The following FMN2 variants were observed in gnomAD, a reference collection of about 807,000 sequenced individuals.
The protein encoded by FMN2 is formin 2.
A neutral mutation model predicts 142.3 loss-of-function variants in FMN2; 51 were observed. The ratio of observed to expected loss-of-function variants is 0.36; its 90% CI spans 0.29 to 0.45. The LOEUF (loss-of-function observed/expected upper bound fraction) is 0.45. Ranked by LOEUF, FMN2 falls within the 20% of genes least tolerant of loss-of-function variation. FMN2 has a pLI of 1.00. For missense variants in FMN2, 1,936 were observed against 2,122.8 expected, an observed-to-expected ratio of 0.91 and a Z score of 1.73; for synonymous variants, 882 against 869.8, an observed-to-expected ratio of 1.01 and a Z score of -0.25.
chr1:240,143,544 G>A, intron 2 of FMN2: 1 of 1,597,694 alleles, frequency 6.3e-7, no homozygotes, highest in Non-Finnish European at 8.6e-7. Flanking sequence ...TGCAAACGTG[G>A]AGCAGCTGCT....
At chr1:240,300,597 T>G (rs1232073705) in intron 8 of FMN2, among the ~76,000 whole-genome samples, 1 of 152,146 alleles carries the variant, frequency 6.6e-6, no homozygotes, top group Non-Finnish European at 1.5e-5. Context: ...CATGCTCAGA[T>G]GCCCATCAAA....
intron 2 of FMN2, among the ~76,000 whole-genome samples, chr1:240,140,766 C>G (rs1177215589): frequency 1.3e-5 from 2 of 152,142 alleles, no homozygotes; most frequent in Non-Finnish European, 2.9e-5. Context: ...AAGAATTTTC[C>G]TCTTTTAATT....
intron 16 of FMN2, chr1:240,457,881 G>A (rs112171288): frequency 2.2e-4 from 34 of 152,344 alleles, no homozygotes; most frequent in African/African-American, 8.2e-4. Context: ...TTAAGAAGGA[G>A]CGTATTGAGG....
intron 2 of FMN2, chr1:240,144,176 C>T (rs781122910): frequency 6.6e-5 from 97 of 1,460,244 alleles, no homozygotes; most frequent in Non-Finnish European, 9.0e-5. Flanking sequence ...GGTCCTTGTT[C>T]TTGTAAAGCC....
At chr1:240,467,291 T>A (rs1400302271) in intron 16 of FMN2, among the ~76,000 whole-genome samples, 1 of 151,718 alleles carries the variant, frequency 6.6e-6, no homozygotes, top group South Asian at 2.1e-4. Context: ...TTTTTTTTTT[T>A]TGAGACAGAG....
At position 240,402,941 on chromosome 1, in the gene FMN2, C is replaced by T. The variant is rs1674038476; in HGVS notation, c.4910+10379C>T. Among the ~76,000 whole-genome samples the T allele has an allele frequency of 3.9e-5, 6 of 152,110 alleles. No homozygotes were observed. In the South Asian group the frequency reaches 1.2e-3, roughly 32 times the overall value. On this transcript the variant is annotated intron_variant, in intron 15 of 17. Transcript: ENST00000319653. ...ATTCTACAGGTAAAAACTATATTTT[C>T]AGGTGAAATTGACTTTTGACGTAGA...
At chr1:240,431,659 G>GT (rs143906511) in intron 15 of FMN2, among the ~76,000 whole-genome samples, 5,127 of 151,238 alleles carry the variant, frequency 0.034, 274 homozygotes, top group African/African-American at 0.12. Context: ...CCTGCAAAGA[G>GT]TTTTTCCTTT....
chr1:240,145,129 AAT>A, intron 2 of FMN2: 1 of 1,486,086 alleles, frequency 6.7e-7, no homozygotes. Flanking sequence ...TAGAAGAACG[AAT>A]CTGCCTTCGC....
At chr1:240,331,153 A>G (rs10802863) in intron 11 of FMN2, among the ~76,000 whole-genome samples, 44,988 of 152,016 alleles carry the variant, frequency 0.3, 6,745 homozygotes, top group East Asian at 0.33. Flanking sequence ...TTAAGCAATG[A>G]AGGCCAATAG....
At chr1:240,259,370 A>G (rs2102899843) in intron 7 of FMN2, among the ~76,000 whole-genome samples, 1 of 152,294 alleles carries the variant, frequency 6.6e-6, no homozygotes, top group African/African-American at 2.4e-5. Flanking sequence ...TTAACATGCA[A>G]CGCTAGCAAT....
In FMN2 at chr1:240,092,676, T is replaced by A. The variant is rs1339605304; in HGVS notation, c.567T>A (p.Ala189=). ...CGGACATCTATAGCTTCCATTCGGC[T>A]ACGGAGCAAGAGGATTTGCTTTCAG... ...SDTDIYSFHS[A]TEQEDLLSDI... Residue 189 remains alanine, a synonymous_variant, in exon 1 of 18, where the codon GCT becomes GCA. Transcript: ENST00000319653. 1 of 1,613,924 alleles carries A rather than the reference T, an allele frequency of 6.2e-7. No homozygotes were observed. Among genetic ancestry groups the A allele is most frequent in the Non-Finnish European group, 8.5e-7 (1 of 1,180,006 alleles).
intron 7 of FMN2, among the ~76,000 whole-genome samples, chr1:240,273,571 G>A (rs892279205): frequency 3.3e-5 from 5 of 152,094 alleles, no homozygotes; most frequent in African/African-American, 1.2e-4. Context: ...TAGAGGCTAT[G>A]GTTGCTGTGT....
At chr1:240,368,305 TC>T (rs1467190594) in intron 14 of FMN2, among the ~76,000 whole-genome samples, 1 of 152,190 alleles carries the variant, frequency 6.6e-6, no homozygotes, top group Non-Finnish European at 1.5e-5. Flanking sequence ...AGGCTATAGA[TC>T]AGACTGGGTA....
chr1:240,295,571 T>A (rs7521790), intron 8 of FMN2, among the ~76,000 whole-genome samples: 31,611 of 152,088 alleles, frequency 0.21, 3,520 homozygotes, highest in Admixed American at 0.33. Flanking sequence ...TCCAGGTTCA[T>A]CCATGATGTT....
chr1:240,143,556 C>T (rs772765040), intron 2 of FMN2: 159 of 1,602,006 alleles, frequency 9.9e-5, no homozygotes, highest in Non-Finnish European at 1.3e-4. Context: ...GCAGCTGCTG[C>T]ACCTTCAGCA....
chr1:240,257,856 T>A (rs1668498971), intron 6 of FMN2, 89 bp from the exon 7 acceptor site: 1 of 1,059,168 alleles, frequency 9.4e-7, no homozygotes, highest in African/African-American at 1.6e-5. Context: ...TTCTCTGAAT[T>A]TGTTCTTCAT....
At chr1:240,277,771 G>A (rs1214124838) in intron 7 of FMN2, among the ~76,000 whole-genome samples, 1 of 151,832 alleles carries the variant, frequency 6.6e-6, no homozygotes, top group Non-Finnish European at 1.5e-5. Flanking sequence ...CCGACCTCAA[G>A]TGATCCGCCC....
intron 4 of FMN2, among the ~76,000 whole-genome samples, chr1:240,205,784 CG>C (rs1468766791): frequency 2.0e-5 from 3 of 150,740 alleles, no homozygotes; most frequent in African/African-American, 7.3e-5. Context: ...CTACTCAAAA[CG>C]TTTTTTTTTT....
At chr1:240,330,828 G>A (rs1671350198) in intron 11 of FMN2, 79 bp downstream of exon 11, 2 of 1,505,942 alleles carry the variant, frequency 1.3e-6, no homozygotes, top group South Asian at 2.7e-5. Flanking sequence ...ATGTAAAGCA[G>A]TTGTAAAAAA....
Sources: gnomAD v4.1 joint callset for allele counts (sites outside exome capture counted in the v4.1 genomes callset) on GRCh38, gnomAD v4.1.1 for gene constraint, MANE v1.5 for transcripts, NCBI Gene and HGNC (gene_info 2026-07-23, HGNC 2026-07-21) for gene names.